Variants in PTPRD observed in about 807,000 individuals in gnomAD.
PTPRD encodes the protein protein tyrosine phosphatase receptor type D.
Under a neutral mutation model 214.5 loss-of-function variants are expected in PTPRD, and 34 were observed. The observed-to-expected ratio is 0.16, with a 90% CI of 0.12 to 0.21. The LOEUF is 0.21. PTPRD is among the 10% of genes least tolerant of loss of function. The pLI, the probability that PTPRD is intolerant of heterozygous loss-of-function variation, is 1.00. For missense variants in PTPRD, 2,545 were observed against 2,398.7 expected (o/e 1.06, Z -1.27); for synonymous variants, 1,128 against 845.7 (o/e 1.33, Z -5.79).
intron 8 of PTPRD, among the ~76,000 whole-genome samples, chr9:9,512,582 C>T (rs760812376): frequency 1.1e-4 from 16 of 151,814 alleles, no homozygotes; most frequent in Non-Finnish European, 1.6e-4. Context: ...TTTCTCATTT[C>T]GTGAGCCTCT....
In PTPRD at chr9:10,563,249, T is replaced by C. The variant is rs145979501; in HGVS notation, c.-600+49149A>G. On this transcript the variant is annotated intron_variant, in intron 2 of 45. Coordinates refer to ENST00000381196, the MANE Select transcript of PTPRD (RefSeq NM_002839.4). ...AACTCTTCCTTATGATTTGTTAAAA[T>C]CCAGCTGGCAGAAAGGAATCCTTTC... Among the ~76,000 whole-genome samples, 902 of 152,258 alleles carry C rather than the reference T, an allele frequency of 5.9e-3. 9 individuals are homozygous for C. The highest frequency in any genetic ancestry group is 0.021 in the African/African-American group (862 of 41,538).
chr9:8,865,654 C>T (rs1159207957), intron 11 of PTPRD, among the ~76,000 whole-genome samples: 2 of 152,098 alleles, frequency 1.3e-5, no homozygotes, highest in Admixed American at 1.3e-4. Context: ...CTCATCACCA[C>T]CAAGCCCAGA....
intron 2 of PTPRD, among the ~76,000 whole-genome samples, chr9:10,477,814 G>GT (rs2099072964): frequency 6.6e-6 from 1 of 152,124 alleles, no homozygotes. Context: ...AAAAGGATGA[G>GT]TTCATGTCCT....
chr9:9,359,287 T>C (rs553545888), intron 9 of PTPRD, among the ~76,000 whole-genome samples: 1 of 151,402 alleles, frequency 6.6e-6, no homozygotes, highest in African/African-American at 2.4e-5. Flanking sequence ...CTTTGGGCTA[T>C]TTTTATTAGC....
At chr9:10,350,107 T>C (rs944573314) in intron 2 of PTPRD, among the ~76,000 whole-genome samples, 1 of 152,238 alleles carries the variant, frequency 6.6e-6, no homozygotes, top group African/African-American at 2.4e-5. Flanking sequence ...ACTTCACTAA[T>C]TAATATAGAC....
At position 8,523,503 on chromosome 9, in the gene PTPRD, A is replaced by G. The variant is rs771502623; in HGVS notation, c.691+10T>C. On this transcript the variant is annotated intron_variant, in intron 19 of 45. Transcript: ENST00000381196. ...TTGTAAGGTGGGTAAAAAGTAAAAA[A>G]CACACCAACCTTCTCGCAGCTCTGA... 47 of 1,613,032 alleles carry G rather than the reference A, an allele frequency of 2.9e-5. 1 individual carries two copies. The South Asian group carries it at 5.2e-4, about 18-fold the overall frequency.
chr9:9,535,826 TG>T lies in PTPRD; in HGVS notation c.-237+38905del, dbSNP rs202063375. Among the ~76,000 whole-genome samples, 120 of 152,048 alleles carry T rather than the reference TG, an allele frequency of 7.9e-4. 5 individuals carry two copies. In the East Asian group the frequency reaches 0.02, roughly 25 times the overall value. On this transcript the variant is annotated intron_variant, in intron 8 of 45. Transcript: ENST00000381196. ...AGTGTATAAAGAGTTAAATTGTGTG[TG>T]GGGGAGGGGTGTGTGTGTACACACA...
chr9:8,603,417 T>C (rs138906906), intron 14 of PTPRD, among the ~76,000 whole-genome samples: 95 of 152,330 alleles, frequency 6.2e-4, no homozygotes, highest in African/African-American at 2.2e-3. Flanking sequence ...TATAGACAGC[T>C]TTCTCCAGTC....
chr9:8,676,353 C>A (rs1244236603), intron 12 of PTPRD, among the ~76,000 whole-genome samples: 1 of 150,874 alleles, frequency 6.6e-6, no homozygotes, highest in East Asian at 1.9e-4. Context: ...CACCAAAATT[C>A]ACAGCCAAAC....
At chr9:10,182,755 T>G (rs1206324773) in intron 3 of PTPRD, among the ~76,000 whole-genome samples, 3 of 152,176 alleles carry the variant, frequency 2.0e-5, no homozygotes, top group Admixed American at 6.5e-5. Flanking sequence ...TTGGGACTCA[T>G]GTACTTCAAG....
chr9:9,864,221 G>A (rs545577732), intron 5 of PTPRD, among the ~76,000 whole-genome samples: 220 of 152,170 alleles, frequency 1.4e-3, no homozygotes, highest in African/African-American at 4.8e-3. Context: ...CAGAAGAATC[G>A]CTTGAACCCG....
chr9:9,516,462 T>A (rs538169235), intron 8 of PTPRD, among the ~76,000 whole-genome samples: 2 of 151,494 alleles, frequency 1.3e-5, no homozygotes, highest in East Asian at 3.9e-4. Context: ...TCATGAGGAA[T>A]ATCATTTATA....
At chr9:10,161,965 T>A (rs2099129750) in intron 3 of PTPRD, among the ~76,000 whole-genome samples, 1 of 151,610 alleles carries the variant, frequency 6.6e-6, no homozygotes, top group African/African-American at 2.4e-5. Flanking sequence ...TCACTAATCA[T>A]CAGAAAAATG....
intron 2 of PTPRD, chr9:10,532,090 G>C (rs569520015): frequency 2.6e-5 from 4 of 152,036 alleles, no homozygotes; most frequent in Non-Finnish European, 5.9e-5. Context: ...TAAATTAATG[G>C]ACTTTTAAGC....
chr9:10,543,066 G>A (rs983954202), intron 2 of PTPRD, among the ~76,000 whole-genome samples: 11 of 151,440 alleles, frequency 7.3e-5, no homozygotes, highest in African/African-American at 1.5e-4. Context: ...TGTATTTTTA[G>A]TAGAGATGGG....
chr9:9,196,631 A>G (rs148442481), intron 9 of PTPRD, among the ~76,000 whole-genome samples: 84 of 152,326 alleles, frequency 5.5e-4, no homozygotes, highest in African/African-American at 1.8e-3. Context: ...TATGCACTCA[A>G]ATAGTACTTA....
intron 12 of PTPRD, among the ~76,000 whole-genome samples, chr9:8,648,207 C>T (rs891958568): frequency 6.6e-5 from 10 of 152,180 alleles, no homozygotes; most frequent in African/African-American, 1.9e-4. Flanking sequence ...ATCATAAACA[C>T]GTGTTTTACA....
intron 30 of PTPRD, among the ~76,000 whole-genome samples, chr9:8,471,530 T>C (rs189855042): frequency 3.6e-4 from 55 of 152,302 alleles, no homozygotes; most frequent in African/African-American, 1.2e-3. Context: ...AGTAGTGCTG[T>C]TGTTTATACA....
At chr9:9,111,220 AAAAAG>A (rs2099805568) in intron 10 of PTPRD, among the ~76,000 whole-genome samples, 1 of 151,848 alleles carries the variant, frequency 6.6e-6, no homozygotes, top group Non-Finnish European at 1.5e-5. Context: ...GAAAAAAAAA[AAAAAG>A]AAAAGTGTTC....
Sources: gnomAD v4.1 joint callset for allele counts (sites outside exome capture counted in the v4.1 genomes callset) on GRCh38, gnomAD v4.1.1 for gene constraint, MANE v1.5 for transcripts, NCBI Gene and HGNC (gene_info 2026-07-23, HGNC 2026-07-21) for gene names.